The following PLK4 variants were observed in gnomAD, a reference collection of about 807,000 sequenced individuals.
The protein encoded by PLK4 is polo like kinase 4, also known as serine/threonine-protein kinase PLK4.
Under a neutral mutation model 103.0 loss-of-function variants are expected in PLK4, and 51 were observed. That is an observed-to-expected ratio of 0.50 (90% CI 0.40 to 0.63). The LOEUF (loss-of-function observed/expected upper bound fraction) is 0.63, where lower values mean the gene tolerates loss of function less well. Ranked by LOEUF, PLK4 falls within the 20% of genes least tolerant of loss-of-function variation. PLK4 has a pLI of 0.00. For missense variants in PLK4, 1,054 were observed against 1,151.0 expected (o/e 0.92, Z 1.22); for synonymous variants, 389 against 376.8 (o/e 1.03, Z -0.38).
At chr4:127,894,573 C>T (rs1339712003) in intron 13 of PLK4, among the ~76,000 whole-genome samples, 1 of 152,062 alleles carries the variant, frequency 6.6e-6, no homozygotes, top group Non-Finnish European at 1.5e-5. Flanking sequence ...TGCCTAAATG[C>T]TCATGATAGA....
intron 4 of PLK4, among the ~76,000 whole-genome samples, chr4:127,885,478 C>CA (rs397878802): frequency 0.061 from 2,955 of 48,458 alleles, 153 homozygotes; most frequent in East Asian, 0.3. Context: ...GACTCCGTCT[C>CA]AAAAAAAAAA....
At chr4:127,889,201 G>A (rs976127858) in intron 6 of PLK4, among the ~76,000 whole-genome samples, 1 of 152,056 alleles carries the variant, frequency 6.6e-6, no homozygotes, top group Admixed American at 6.6e-5. Flanking sequence ...TTTTAGTTTA[G>A]CATTGAAAAA....
chr4:127,894,327 C>T (rs1018725125), intron 13 of PLK4, among the ~76,000 whole-genome samples: 8 of 151,866 alleles, frequency 5.3e-5, no homozygotes, highest in South Asian at 2.1e-4. Context: ...CCTGGGTTCA[C>T]GCCATTCTTC....
chr4:127,897,902 C>T (rs190092886), intron 15 of PLK4, among the ~76,000 whole-genome samples: 13 of 114,106 alleles, frequency 1.1e-4, no homozygotes, highest in Middle Eastern at 0.012. Flanking sequence ...GTTAGTGGTG[C>T]GACTTGGCTC....
chr4:127,891,354 T>C (rs1735351936), intron 8 of PLK4, among the ~76,000 whole-genome samples, 158 bp downstream of exon 8: 1 of 151,958 alleles, frequency 6.6e-6, no homozygotes, highest in African/African-American at 2.4e-5. Context: ...ATATTAAACA[T>C]ATTTAAATAA....
At chr4:127,884,353 ATTCGGACAT>A (rs1410018806) in intron 4 of PLK4, among the ~76,000 whole-genome samples, 5 of 152,256 alleles carry the variant, frequency 3.3e-5, no homozygotes, top group Non-Finnish European at 7.3e-5. Context: ...TTGGAAAACA[ATTCGGACAT>A]ATGTATTTAG....
Position 127,898,965 on chromosome 4 carries a change from A to G in PLK4, c.*424A>G, listed in dbSNP as rs1156842108. The stretch of plus-strand genomic sequence containing the variant: ...AATGTGTATTTATGTTATAAGTAAC[A>G]TATGTAAACATGTATATTTGTTTTA... On this transcript the variant is annotated 3_prime_UTR_variant, in exon 16 of 16. Transcript: ENST00000270861. The G allele has an allele frequency of 6.5e-5, 10 of 153,274 alleles. No homozygotes were observed. Among genetic ancestry groups the G allele is most frequent in the Non-Finnish European group, 7.3e-5 (5 of 68,496 alleles). The allele number at this position is 153,274 out of a possible 1,614,324, so 9.5% of individuals were successfully genotyped here.
chr4:127,885,969 T>C lies in PLK4; in HGVS notation c.599T>C (p.Met200Thr). The change falls in exon 5 of 16, where the codon ATG (methionine) becomes ACG (threonine). Residue 200 changes from methionine to threonine, a missense_variant. By Grantham distance (81) the Met-to-Thr change is moderately conservative (BLOSUM62 -1). Transcript: ENST00000270861. ...LESDVWSLGC[M>T]FYTLLIGRPP... ...TCTGATGTTTGGTCCCTGGGCTGTA[T>C]GTTTTATACATTACTTATCGGGAGA... 6.2e-7 allele frequency: 1 copy of C among 1,614,210 alleles called. No homozygotes were observed. The highest frequency in any genetic ancestry group is 1.1e-5 in the South Asian group (1 of 91,086).
chr4:127,888,212 A>AAAAAAAAAT (rs1735217498), intron 6 of PLK4, among the ~76,000 whole-genome samples: 1 of 142,878 alleles, frequency 7.0e-6, no homozygotes, highest in Non-Finnish European at 1.5e-5. Flanking sequence ...AAAAAAAAAA[A>AAAAAAAAAT]GCATTTTCAG....
chr4:127,897,563 AC>A (rs1735615321), intron 15 of PLK4, among the ~76,000 whole-genome samples: 1 of 152,156 alleles, frequency 6.6e-6, no homozygotes, highest in African/African-American at 2.4e-5. Flanking sequence ...ATCTGTAGAT[AC>A]CTACCAACTG....
chr4:127,893,267 CTGATTTTT>C lies in PLK4; in HGVS notation c.2189-16_2189-9del, dbSNP rs769108181. On this transcript the variant is annotated splice_polypyrimidine_tract_variant and intron_variant, in intron 10 of 15. Transcript: ENST00000270861. ...TTAAAAAGGATAAGAGAACAGTTTT[CTGATTTTT>C]TTTTTTTAGGGGTAAAAATACACAA... The C allele has an allele frequency of 3.9e-5, 56 of 1,433,624 alleles. No individual in the cohort carries two copies. In the East Asian group the frequency reaches 1.3e-3, roughly 33 times the overall value. The allele number at this position is 1,433,624 out of a possible 1,614,324, so 88.8% of individuals were successfully genotyped here. A position where few individuals can be genotyped will look rare whatever the true frequency, so the allele number is the denominator to read the frequency against.
At position 127,886,416 on chromosome 4, in the gene PLK4, A is replaced by G. The variant is rs1265765558; in HGVS notation, c.1046A>G (p.Asn349Ser). Reference sequence around the variant, plus strand: ...AACAGTTTTTATACTCAGTGGGGAAATCAAGAAACCAGTAATAGTGGAAGG... The same window carrying G: ...AACAGTTTTTATACTCAGTGGGGAAGTCAAGAAACCAGTAATAGTGGAAGG... ...DGNSFYTQWGNQETSNSGRGR... is the reference protein window; with the variant it reads ...DGNSFYTQWGSQETSNSGRGR... The change falls in exon 5 of 16, where the codon AAT becomes AGT. Residue 349 changes from asparagine to serine, a missense_variant. Asn to Ser is a conservative substitution (Grantham distance 46). This residue lies in a region of PLK4 where 680 missense variants were observed against 660.3 expected (regional missense o/e 1.03). Transcript: ENST00000270861. 5 of 1,614,016 alleles carry G rather than the reference A, an allele frequency of 3.1e-6. No individual in the cohort carries two copies. The highest frequency in any genetic ancestry group is 1.7e-5 in the Admixed American group (1 of 60,006).
intron 5 of PLK4, 82 bp downstream of exon 5, chr4:127,886,810 G>A (rs1465024882): frequency 2.6e-6 from 2 of 777,028 alleles, no homozygotes; most frequent in Non-Finnish European, 3.9e-6. Context: ...TAAGCGGGGG[G>A]ATACCAGGGA....
At chr4:127,884,494 T>C (rs1735043090) in intron 4 of PLK4, among the ~76,000 whole-genome samples, 1 of 152,236 alleles carries the variant, frequency 6.6e-6, no homozygotes, top group African/African-American at 2.4e-5. Flanking sequence ...CAGTTTTTTA[T>C]AATACTTCAT....
At chr4:127,883,777 A>T (rs1216179596) in intron 4 of PLK4, among the ~76,000 whole-genome samples, 1 of 152,222 alleles carries the variant, frequency 6.6e-6, no homozygotes. Flanking sequence ...TCTGTCCTTA[A>T]AACCACATTT....
Position 127,881,041 on chromosome 4 carries a change from T to C in PLK4, c.-94T>C. 1 of 1,449,200 alleles carries C rather than the reference T, an allele frequency of 6.9e-7. No homozygotes were observed. The highest frequency in any genetic ancestry group is 9.6e-7 in the Non-Finnish European group (1 of 1,036,278). The allele number at this position is 1,449,200 out of a possible 1,614,324, so 89.8% of individuals were successfully genotyped here. A position where few individuals can be genotyped will look rare whatever the true frequency, so the allele number is the denominator to read the frequency against. On this transcript the variant is annotated 5_prime_UTR_variant, in exon 1 of 16. The change abolishes an upstream ATG in the 5' untranslated region. Transcript: ENST00000270861. Reference sequence around the variant, plus strand: ...CGGCGGTTTAGAGAGCCGAGCCTGATGGGCGCCAAGGCCGGCTGGCTGCTT... The same window carrying C: ...CGGCGGTTTAGAGAGCCGAGCCTGACGGGCGCCAAGGCCGGCTGGCTGCTT...
intron 12 of PLK4, 57 bp downstream of exon 12, chr4:127,893,661 A>G (rs1256923404): frequency 1.9e-6 from 3 of 1,583,730 alleles, no homozygotes; most frequent in African/African-American, 1.4e-5. Context: ...TTTGATGTTT[A>G]TATTATAAAC....
chr4:127,892,086 A>C, intron 9 of PLK4: 1 of 248,846 alleles, frequency 4.0e-6, no homozygotes, highest in Non-Finnish European at 7.6e-6. Context: ...CATTTAAAAA[A>C]TAATTCACCA....
At chr4:127,893,103 A>G (rs1735425441) in intron 10 of PLK4, 182 bp from the exon 11 acceptor site, 2 of 440,860 alleles carry the variant, frequency 4.5e-6, no homozygotes, top group Non-Finnish European at 4.0e-6. Context: ...ATATGTTGGG[A>G]AAAAAATGGA....
Sources: gnomAD v4.1 joint callset for allele counts (sites outside exome capture counted in the v4.1 genomes callset) on GRCh38, gnomAD v4.1.1 for gene constraint, gnomAD v4.1.1 regional missense constraint, MANE v1.5 for transcripts, NCBI Gene and HGNC (gene_info 2026-07-23, HGNC 2026-07-21) for gene names.